The following ZNF407 variants were observed in gnomAD, a reference collection of about 807,000 sequenced individuals.
ZNF407 encodes the protein zinc finger protein 407.
ZNF407 carries 17 observed loss-of-function variants against 131.2 expected under a neutral mutation model. The ratio of observed to expected loss-of-function variants is 0.13; its 90% CI spans 0.09 to 0.19. The LOEUF is 0.19. Ranked by LOEUF, ZNF407 falls within the 10% of genes least tolerant of loss-of-function variation. The probability of loss-of-function intolerance (pLI) is 1.00; values close to 1 mark genes in which losing one functional copy is unlikely to be tolerated. For missense variants in ZNF407, 2,681 were observed against 2,830.6 expected (o/e 0.95, Z 1.20); for synonymous variants, 1,156 against 1,062.0 (o/e 1.09, Z -1.72).
intron 3 of ZNF407, among the ~76,000 whole-genome samples, chr18:74,748,808 C>G (rs1364175567): frequency 6.6e-6 from 1 of 151,884 alleles, no homozygotes; most frequent in Non-Finnish European, 1.5e-5. Flanking sequence ...TGTTGTGGAC[C>G]CTGTTATGTC....
rs567867915 is a variant in ZNF407 at position 74,707,026 on chromosome 18, A to G, written c.4802+65904A>G. Among the ~76,000 whole-genome samples the G allele has an allele frequency of 1.6e-4, 23 of 145,830 alleles. No homozygotes were observed. In the South Asian group the frequency reaches 4.9e-3, roughly 31 times the overall value. ...GAGTGCCGTGGTGCCATCTCAGCTC[A>G]CTGCAGTCTCTGCCTACCAGGTTCC... On this transcript the variant is annotated intron_variant, in intron 3 of 8. Coordinates refer to ENST00000299687, the MANE Select transcript of ZNF407 (RefSeq NM_017757.3).
At chr18:74,899,676 CAG>C (rs1369260265) in intron 7 of ZNF407, among the ~76,000 whole-genome samples, 1 of 152,130 alleles carries the variant, frequency 6.6e-6, no homozygotes, top group African/African-American at 2.4e-5. Context: ...GTATGGGAGA[CAG>C]AGAAGCAGGC....
At chr18:74,648,306 C>G (rs561212386) in intron 3 of ZNF407, among the ~76,000 whole-genome samples, 1 of 151,994 alleles carries the variant, frequency 6.6e-6, no homozygotes, top group East Asian at 1.9e-4. Context: ...GGGATGTGCA[C>G]GAACTACAGG....
In ZNF407 at chr18:74,634,159, A is replaced by T; in HGVS notation, c.3140A>T (p.Tyr1047Phe). The change falls in exon 2 of 9, where the codon TAT (tyrosine) becomes TTT (phenylalanine). Residue 1047 changes from tyrosine to phenylalanine, a missense_variant. Transcript: ENST00000299687. ...KRKHTKEFEF[Y>F]CMACDYYAVT... ...AAACATACAAAAGAGTTTGAGTTTT[A>T]TTGCATGGCATGCGATTACTACGCG... 6.2e-7 allele frequency: 1 copy of T among 1,614,064 alleles called. No homozygotes were observed. Among genetic ancestry groups the T allele is most frequent in the Non-Finnish European group, 8.5e-7 (1 of 1,179,912 alleles).
In ZNF407 at chr18:74,728,624, G is replaced by A. The variant is rs979916112; in HGVS notation, c.4803-52804G>A. Among the ~76,000 whole-genome samples the A allele has an allele frequency of 2.6e-5, 4 of 152,344 alleles. No individual in the cohort carries two copies. In the South Asian group the frequency reaches 8.3e-4, roughly 32 times the overall value. On this transcript the variant is annotated intron_variant, in intron 3 of 8. Transcript: ENST00000299687. The stretch of plus-strand genomic sequence containing the variant: ...TGGGCCACCTACCTCCACCGAGGGA[G>A]AGATGTACAGGAAGCAGCCAGGTAA...
chr18:75,004,166 T>A (rs1027548181), intron 8 of ZNF407, among the ~76,000 whole-genome samples: 1 of 152,204 alleles, frequency 6.6e-6, no homozygotes, highest in African/African-American at 2.4e-5. Flanking sequence ...GTGTGCGCCA[T>A]GGCCTCTCCG....
chr18:74,929,769 A>G (rs916909869), intron 8 of ZNF407, among the ~76,000 whole-genome samples: 3 of 152,198 alleles, frequency 2.0e-5, no homozygotes, highest in African/African-American at 7.2e-5. Context: ...ATTTAGATAC[A>G]TTGTTTCATT....
At chr18:74,601,665 G>C (rs1599118584) in intron 1 of ZNF407, among the ~76,000 whole-genome samples, 1 of 152,108 alleles carries the variant, frequency 6.6e-6, no homozygotes, top group Non-Finnish European at 1.5e-5. Context: ...GAGCGAGAGA[G>C]TGGGGAGGTG....
intron 3 of ZNF407, among the ~76,000 whole-genome samples, chr18:74,698,519 G>T (rs1356859405): frequency 1.3e-5 from 2 of 152,192 alleles, no homozygotes; most frequent in Non-Finnish European, 2.9e-5. Context: ...TCTGATGTTT[G>T]ATAGGAGTAC....
chr18:74,949,608 T>G (rs995929230), intron 8 of ZNF407, among the ~76,000 whole-genome samples: 6 of 152,188 alleles, frequency 3.9e-5, no homozygotes, highest in African/African-American at 1.4e-4. Flanking sequence ...TGGCCCACAC[T>G]TTTGAGGGAA....
chr18:74,745,071 T>G (rs1968636595), intron 3 of ZNF407, among the ~76,000 whole-genome samples: 2 of 152,058 alleles, frequency 1.3e-5, no homozygotes, highest in Non-Finnish European at 2.9e-5. Context: ...TCGTAGTGCA[T>G]TCAGACTCAC....
intron 4 of ZNF407, among the ~76,000 whole-genome samples, chr18:74,841,320 C>G (rs143155881): frequency 1.6e-3 from 248 of 152,248 alleles, no homozygotes; most frequent in Middle Eastern, 0.014. Context: ...TCACTCCACC[C>G]CCAGCCTCAG....
intron 6 of ZNF407, 43 bp downstream of exon 6, chr18:74,881,162 C>T (rs2628126): frequency 0.99 from 1,498,769 of 1,517,164 alleles, 741,669 homozygotes; most frequent in East Asian, 1. Context: ...GCAGAGAGGA[C>T]GGCAAGACAC....
intron 3 of ZNF407, among the ~76,000 whole-genome samples, chr18:74,750,528 T>C (rs1044082986): frequency 6.6e-6 from 1 of 152,220 alleles, no homozygotes; most frequent in African/African-American, 2.4e-5. Context: ...TTCATTCATG[T>C]CATAGCATGC....
chr18:74,952,249 C>T (rs2083047081), intron 8 of ZNF407, among the ~76,000 whole-genome samples: 1 of 152,166 alleles, frequency 6.6e-6, no homozygotes, highest in Non-Finnish European at 1.5e-5. Context: ...TCTCTATGAA[C>T]CTTTGGTAGC....
At chr18:74,790,226 T>C (rs1051132451) in intron 4 of ZNF407, among the ~76,000 whole-genome samples, 1 of 152,220 alleles carries the variant, frequency 6.6e-6, no homozygotes, top group Non-Finnish European at 1.5e-5. Flanking sequence ...ACCAGAGATA[T>C]ATGGTTAGTA....
chr18:74,829,341 C>T (rs547274439), intron 4 of ZNF407, among the ~76,000 whole-genome samples: 15 of 152,310 alleles, frequency 9.8e-5, no homozygotes, highest in African/African-American at 3.4e-4. Context: ...TATGAACCTA[C>T]GAATTCCCTT....
At chr18:74,774,012 A>G (rs1008897863) in intron 3 of ZNF407, among the ~76,000 whole-genome samples, 37 of 152,240 alleles carry the variant, frequency 2.4e-4, no homozygotes, top group Non-Finnish European at 4.4e-5. Flanking sequence ...AAAATAAGGA[A>G]GAACCCAACA....
chr18:74,721,386 TAGGC>T (rs75201289), intron 3 of ZNF407, among the ~76,000 whole-genome samples: 10,193 of 152,180 alleles, frequency 0.067, 396 homozygotes, highest in East Asian at 0.11. Flanking sequence ...GTGGAAGTCC[TAGGC>T]AGGCAACTAG....
Sources: gnomAD v4.1 joint callset for allele counts (sites outside exome capture counted in the v4.1 genomes callset) on GRCh38, gnomAD v4.1.1 for gene constraint, MANE v1.5 for transcripts, NCBI Gene and HGNC (gene_info 2026-07-23, HGNC 2026-07-21) for gene names.